Variants in PDE11A observed in about 807,000 individuals in gnomAD.
PDE11A encodes dual 3',5'-cyclic-AMP and -GMP phosphodiesterase 11A.
PDE11A carries 100 observed loss-of-function variants against 100.5 expected under a neutral mutation model. The ratio of observed to expected loss-of-function variants is 1.00; its 90% CI spans 0.85 to 1.18. The LOEUF (loss-of-function observed/expected upper bound fraction) is 1.18. Ranked by LOEUF, PDE11A falls within the 50% of genes most tolerant of loss-of-function variation. The pLI is 0.00. For missense variants in PDE11A, 1,141 were observed against 1,152.6 expected, an observed-to-expected ratio of 0.99 and a Z score of 0.15; for synonymous variants, 381 against 420.8, an observed-to-expected ratio of 0.91 and a Z score of 1.16.
At chr2:177,666,219 T>C (rs181855285) in intron 18 of PDE11A, among the ~76,000 whole-genome samples, 69 of 152,354 alleles carry the variant, frequency 4.5e-4, no homozygotes, top group African/African-American at 1.5e-3. Context: ...GTTTTCAAGG[T>C]TTACCCATGT....
intron 1 of PDE11A, among the ~76,000 whole-genome samples, chr2:178,046,351 T>C (rs2086750996): frequency 6.6e-6 from 1 of 152,212 alleles, no homozygotes; most frequent in South Asian, 2.1e-4. Context: ...ATTATAATGT[T>C]GAATTCAGTT....
intron 2 of PDE11A, among the ~76,000 whole-genome samples, chr2:177,946,515 T>G (rs1300950565): frequency 7.3e-5 from 3 of 41,332 alleles, no homozygotes; most frequent in Admixed American, 1.8e-4. Context: ...GTGGGGGGGG[T>G]CAGCCCCCCC....
chr2:177,849,707 G>A (rs1261148804), intron 5 of PDE11A, among the ~76,000 whole-genome samples: 5 of 151,148 alleles, frequency 3.3e-5, no homozygotes, highest in South Asian at 2.1e-4. Flanking sequence ...GGAGAATGGC[G>A]TGAACCCGGG....
chr2:177,716,487 T>C (rs1192432641), intron 12 of PDE11A, among the ~76,000 whole-genome samples: 1 of 152,176 alleles, frequency 6.6e-6, no homozygotes, highest in Non-Finnish European at 1.5e-5. Context: ...TATGAGTCCA[T>C]GCAAGGCAGG....
At chr2:178,049,178 G>A (rs763810928) in intron 1 of PDE11A, among the ~76,000 whole-genome samples, 27 of 152,106 alleles carry the variant, frequency 1.8e-4, no homozygotes, top group South Asian at 4.1e-4. Context: ...ACTTTGAGCC[G>A]GGCACTTAAA....
chr2:177,632,108 G>A (rs1428150306), intron 19 of PDE11A, among the ~76,000 whole-genome samples: 1 of 152,168 alleles, frequency 6.6e-6, no homozygotes, highest in Non-Finnish European at 1.5e-5. Flanking sequence ...ACACTAGCCT[G>A]CCATATAGAA....
chr2:177,783,527 ACTAC>A (rs1408550726), intron 9 of PDE11A, among the ~76,000 whole-genome samples: 2 of 152,292 alleles, frequency 1.3e-5, no homozygotes, highest in East Asian at 3.9e-4. Flanking sequence ...TAAAATTACT[ACTAC>A]CTTTTTTCCT....
chr2:177,908,597 C>G (rs1402521716), intron 2 of PDE11A, among the ~76,000 whole-genome samples: 1 of 152,156 alleles, frequency 6.6e-6, no homozygotes, highest in Non-Finnish European at 1.5e-5. Flanking sequence ...TAATGAGACA[C>G]AGAACTGCTC....
rs181823127 is a variant in PDE11A, at chr2:177,727,944, G to T, written c.1935+82C>A. On this transcript the variant is annotated intron_variant, in intron 11 of 19. Transcript: ENST00000286063. Reference sequence around the variant, plus strand: ...GGGCAGGGATTATCATCCCCATTTTGTATTTGGGAAACCAGTGGTTCAGAG... The same window carrying T: ...GGGCAGGGATTATCATCCCCATTTTTTATTTGGGAAACCAGTGGTTCAGAG... 11 of 1,257,808 alleles carry T rather than the reference G, an allele frequency of 8.7e-6. No homozygotes were observed. In the African/African-American group the frequency reaches 1.6e-4, roughly 19 times the overall value. The allele number at this position is 1,257,808 out of a possible 1,614,324, so 77.9% of individuals were successfully genotyped here.
intron 1 of PDE11A, among the ~76,000 whole-genome samples, chr2:178,065,426 G>GA (rs1175251732): frequency 2.6e-5 from 4 of 152,130 alleles, no homozygotes; most frequent in Admixed American, 2.6e-4. Context: ...TATGGGTTGG[G>GA]AAAAAAATTT....
At chr2:177,792,697 G>T (rs2105538399) in intron 9 of PDE11A, among the ~76,000 whole-genome samples, 1 of 152,260 alleles carries the variant, frequency 6.6e-6, no homozygotes, top group African/African-American at 2.4e-5. Flanking sequence ...AATGCAAAGG[G>T]CAATTTCCAA....
intron 19 of PDE11A, among the ~76,000 whole-genome samples, chr2:177,636,063 G>A (rs2080033692): frequency 6.6e-6 from 1 of 151,948 alleles, no homozygotes; most frequent in African/African-American, 2.4e-5. Context: ...AAGGGAATGT[G>A]TATTTGCGTT....
intron 10 of PDE11A, among the ~76,000 whole-genome samples, chr2:177,758,629 A>T (rs1198764465): frequency 6.6e-6 from 1 of 152,236 alleles, no homozygotes; most frequent in Non-Finnish European, 1.5e-5. Flanking sequence ...GGCTGCATGC[A>T]TGCTGCAATT....
chr2:177,654,376 T>G (rs2080351231), intron 19 of PDE11A, among the ~76,000 whole-genome samples: 1 of 151,938 alleles, frequency 6.6e-6, no homozygotes, highest in Admixed American at 6.6e-5. Flanking sequence ...GAAAAATTAG[T>G]CAGGTGTGGT....
intron 19 of PDE11A, among the ~76,000 whole-genome samples, chr2:177,647,636 C>G (rs1230999231): frequency 2.0e-5 from 3 of 152,130 alleles, no homozygotes; most frequent in Non-Finnish European, 4.4e-5. Flanking sequence ...ATGCTTAGTT[C>G]TGAGACGGGG....
At chr2:177,853,931 T>C (rs2105655392) in intron 5 of PDE11A, among the ~76,000 whole-genome samples, 1 of 147,826 alleles carries the variant, frequency 6.8e-6, no homozygotes, top group Non-Finnish European at 1.5e-5. Flanking sequence ...TATGTATATA[T>C]ATGTGTGTAT....
intron 9 of PDE11A, 113 bp from the exon 10 acceptor site, chr2:177,769,486 G>T (rs2082282561): frequency 3.0e-6 from 2 of 675,708 alleles, no homozygotes; most frequent in Admixed American, 2.3e-5. Flanking sequence ...ATTTAAAGGT[G>T]GACTTTAATG....
chr2:177,951,635 A>G (rs1376277813), intron 2 of PDE11A, among the ~76,000 whole-genome samples: 1 of 152,124 alleles, frequency 6.6e-6, no homozygotes, highest in East Asian at 1.9e-4. Flanking sequence ...GTTTTCTGAG[A>G]CTCAATCCCA....
At chr2:177,676,843 G>A (rs1467922880) in intron 16 of PDE11A, among the ~76,000 whole-genome samples, 2 of 152,180 alleles carry the variant, frequency 1.3e-5, no homozygotes, top group Non-Finnish European at 2.9e-5. Flanking sequence ...CCACCCCAGA[G>A]GTAGTTGCTA....
Sources: allele counts gnomAD v4.1 joint callset (sites outside exome capture counted in the v4.1 genomes callset), GRCh38; gene constraint gnomAD v4.1.1; transcripts MANE v1.5; gene names NCBI Gene and HGNC (gene_info 2026-07-23, HGNC 2026-07-21).